NADK: variants seen among roughly 807,000 people sequenced by gnomAD.
The protein encoded by NADK is NAD kinase, also known as poly(P)/ATP NAD kinase.
NADK carries 22 observed loss-of-function variants against 49.8 expected under a neutral mutation model. The observed-to-expected ratio is 0.44, with a 90% CI of 0.32 to 0.63. The LOEUF is 0.63. NADK is among the 30% of genes least tolerant of loss of function. NADK has a pLI of 0.06. For missense variants in NADK, 438 were observed against 609.4 expected (o/e 0.72, Z 2.96); for synonymous variants, 268 against 253.7 (o/e 1.06, Z -0.54).
Position 1,773,676 on chromosome 1 carries a change from TTGTGTGTGTGTGTGTGTGTG to T in NADK, c.-41+4593_-41+4612del, listed in dbSNP as rs57063985. 2.0e-3 allele frequency among the ~76,000 whole-genome samples: 237 copies of T among 116,716 alleles called. 3 individuals are homozygous for T. Among genetic ancestry groups the T allele is most frequent in the Middle Eastern group, 8.8e-3 (2 of 226 alleles). 76.6% of individuals were successfully genotyped at this position (116,716 alleles called of 152,430 possible). On this transcript the variant is annotated intron_variant, in intron 1 of 11. Coordinates refer to ENST00000341426, the MANE Select transcript of NADK (RefSeq NM_023018.5). ...TGCTACATTACCTAGAAGCTCTATT[TTGTGTGTGTGTGTGTGTGTG>T]TGTGTGTGTGTGTGTGTGTGTGTGT...
At chr1:1,776,718 A>G (rs1386355386) in intron 1 of NADK, among the ~76,000 whole-genome samples, 71 of 145,730 alleles carry the variant, frequency 4.9e-4, no homozygotes, top group Non-Finnish European at 6.0e-5. Flanking sequence ...GGTTGCAGTG[A>G]GCCGAGATTG....
chr1:1,758,881 A>ACCGCTCTGGC (rs1553184458), intron 3 of NADK, among the ~76,000 whole-genome samples: 1 of 152,042 alleles, frequency 6.6e-6, no homozygotes, highest in Non-Finnish European at 1.5e-5. Context: ...TGCGCCAGCC[A>ACCGCTCTGGC]CCGCTCTGGC....
chr1:1,763,840 C>T (rs1381345130), intron 2 of NADK, among the ~76,000 whole-genome samples: 1 of 152,092 alleles, frequency 6.6e-6, no homozygotes, highest in Non-Finnish European at 1.5e-5. Flanking sequence ...CGACCTCTGA[C>T]CCAGGGCTGC....
chr1:1,760,792 TG>T (rs1239820778), intron 3 of NADK, among the ~76,000 whole-genome samples: 2 of 152,076 alleles, frequency 1.3e-5, no homozygotes, highest in African/African-American at 4.8e-5. Flanking sequence ...GCAATGAGGA[TG>T]TCTACCAGGT....
intron 2 of NADK, among the ~76,000 whole-genome samples, chr1:1,764,115 G>C (rs1361903853): frequency 6.6e-6 from 1 of 152,110 alleles, no homozygotes; most frequent in African/African-American, 2.4e-5. Flanking sequence ...AGAAAACGTG[G>C]GAGTAGCCTG....
At chr1:1,766,342 G>C (rs1645884048) in intron 1 of NADK, among the ~76,000 whole-genome samples, 1 of 137,660 alleles carries the variant, frequency 7.3e-6, no homozygotes, top group South Asian at 2.3e-4. Context: ...GGAAGCGGAG[G>C]TTGTGGTGAG....
At chr1:1,765,200 A>G (rs1253393135) in intron 2 of NADK, 28 bp downstream of exon 2, 4 of 1,542,258 alleles carry the variant, frequency 2.6e-6, no homozygotes, top group Non-Finnish European at 3.5e-6. Context: ...ACGAGAAAAA[A>G]AAGAGGAACC....
chr1:1,775,442 C>A (rs953567458), intron 1 of NADK, among the ~76,000 whole-genome samples: 2 of 152,218 alleles, frequency 1.3e-5, no homozygotes, highest in East Asian at 1.9e-4. Context: ...TCTCATCTCA[C>A]CCCGGTAAAT....
At chr1:1,772,584 T>A (rs1646084309) in intron 1 of NADK, among the ~76,000 whole-genome samples, 1 of 150,332 alleles carries the variant, frequency 6.7e-6, no homozygotes, top group Non-Finnish European at 1.5e-5. Context: ...ACCAGTTCTG[T>A]GTCTTGCTAG....
chr1:1,764,673 G>A (rs1377141955), intron 2 of NADK, among the ~76,000 whole-genome samples: 3 of 152,138 alleles, frequency 2.0e-5, no homozygotes, highest in Admixed American at 6.5e-5. Flanking sequence ...AGGCTGAGAC[G>A]GGCAGATCAC....
chr1:1,769,683 G>A (rs1645989412), intron 1 of NADK, among the ~76,000 whole-genome samples: 1 of 151,744 alleles, frequency 6.6e-6, no homozygotes, highest in African/African-American at 2.4e-5. Context: ...AGCTGAGATC[G>A]TGCCACTGCA....
intron 2 of NADK, among the ~76,000 whole-genome samples, chr1:1,764,008 G>A (rs1645809657): frequency 6.6e-6 from 1 of 152,212 alleles, no homozygotes; most frequent in Non-Finnish European, 1.5e-5. Flanking sequence ...GAGGCAACGA[G>A]GCATCTGAGA....
intron 3 of NADK, among the ~76,000 whole-genome samples, chr1:1,757,557 C>A (rs1019255065): frequency 2.6e-5 from 4 of 151,988 alleles, no homozygotes; most frequent in Admixed American, 1.3e-4. Flanking sequence ...GGCCCACAAC[C>A]CCCACCCGGG....
rs1187013047 is a variant in NADK at position 1,765,287 on chromosome 1, G to T, written c.120C>A (p.Gly40=). ...ETWSYNHPIR[G]RAKSRSLSAS... Reference sequence around the variant, plus strand: ...CAGACAGGCTGCGAGACTTGGCCCGGCCCCGGATGGGGTGGTTGTAACTCC... The same window carrying T: ...CAGACAGGCTGCGAGACTTGGCCCGTCCCCGGATGGGGTGGTTGTAACTCC... The change falls in exon 2 of 12, where the codon GGC becomes GGA. Residue 40 remains glycine, a synonymous_variant. Transcript: ENST00000341426. 1 of 1,613,152 alleles carries T rather than the reference G, an allele frequency of 6.2e-7. No individual in the cohort carries two copies. The highest frequency in any genetic ancestry group is 8.5e-7 in the Non-Finnish European group (1 of 1,179,586).
intron 1 of NADK, among the ~76,000 whole-genome samples, chr1:1,776,132 C>T (rs991802180): frequency 2.0e-5 from 3 of 152,280 alleles, no homozygotes; most frequent in East Asian, 1.9e-4. Context: ...CGTCGAGTCC[C>T]GCAAACACCC....
rs530025243 is a variant in NADK, at chr1:1,776,270, A to C, written c.-41+2019T>G. Among the ~76,000 whole-genome samples the C allele has an allele frequency of 3.3e-5, 5 of 152,244 alleles. No homozygotes were observed. The South Asian group carries it at 1.0e-3, about 32-fold the overall frequency. On this transcript the variant is annotated intron_variant, in intron 1 of 11. Transcript: ENST00000341426. ...CCTATTTGTTCACCGCCTCCACTCC[A>C]CAAGAACTGCTCTTGACTTGGCCAA...
Position 1,752,958 on chromosome 1 carries a change from G to C in NADK, c.1287C>G (p.Val429=), listed in dbSNP as rs1386236501. 6.3e-7 allele frequency: 1 copy of C among 1,599,354 alleles called. No homozygotes were observed. ...ESLAQCLHWN[V]RKKQAHFEEE... ...CCTCGAAGTGGGCTTGCTTCTTCCG[G>C]ACGTTCCAATGCAGGCACTGGGCGA... The change falls in exon 12 of 12, where the codon GTC becomes GTG. Residue 429 remains valine, a synonymous_variant. Coordinates refer to ENST00000341426, the MANE Select transcript of NADK (RefSeq NM_023018.5).
intron 3 of NADK, among the ~76,000 whole-genome samples, chr1:1,761,507 C>T (rs1645724666): frequency 6.6e-6 from 1 of 152,206 alleles, no homozygotes; most frequent in African/African-American, 2.4e-5. Flanking sequence ...TGACGGGCCT[C>T]CAGGCAGAAT....
chr1:1,770,763 T>C (rs189549106), intron 1 of NADK, among the ~76,000 whole-genome samples: 302 of 151,868 alleles, frequency 2.0e-3, no homozygotes, highest in African/African-American at 6.7e-3. Context: ...ACAATATAAT[T>C]TACAGCTGGG....
Sources: gnomAD v4.1 joint callset for allele counts (sites outside exome capture counted in the v4.1 genomes callset) on GRCh38, gnomAD v4.1.1 for gene constraint, MANE v1.5 for transcripts, NCBI Gene and HGNC (gene_info 2026-07-23, HGNC 2026-07-21) for gene names.